The following KIF13A variants were observed in gnomAD, a reference collection of about 807,000 sequenced individuals.
KIF13A encodes the protein kinesin family member 13A, also known as kinesin-like protein KIF13A.
Under a neutral mutation model 212.2 loss-of-function variants are expected in KIF13A, and 79 were observed. The observed-to-expected ratio is 0.37, with a 90% confidence interval of 0.31 to 0.45. The LOEUF (loss-of-function observed/expected upper bound fraction) is 0.45, where lower values mean the gene tolerates loss of function less well. KIF13A is among the 20% of genes least tolerant of loss of function. The pLI is 1.00. For synonymous variants in KIF13A, 789 were observed against 808.6 expected, an observed-to-expected ratio of 0.98 and a Z score of 0.41; for missense variants, 1,901 against 2,209.0, an observed-to-expected ratio of 0.86 and a Z score of 2.79.
Position 17,967,581 on chromosome 6 carries a change from G to A in KIF13A, c.146+19473C>T. Among the ~76,000 whole-genome samples, 1 of 152,200 alleles carries A rather than the reference G, an allele frequency of 6.6e-6. No homozygotes were observed. Among genetic ancestry groups the A allele is most frequent in the East Asian group, 1.9e-4 (1 of 5,198 alleles). On this transcript the variant is annotated intron_variant, in intron 2 of 38. Coordinates refer to ENST00000259711, the MANE Select transcript of KIF13A (RefSeq NM_022113.6). This position sits in a 1 kb window ranked among gnomAD's most constrained non-coding sequence, Gnocchi z 4.1. ...GACTGCACGTGTCAGGAGCAGAGAT[G>A]CCTGGTTATCCATTTCCATAGTCAT...
rs1771571431 is a variant in KIF13A, at chr6:17,886,707, A to C, written c.159+11461T>G. Among the ~76,000 whole-genome samples the C allele has an allele frequency of 6.6e-6, 1 of 152,056 alleles. No homozygotes were observed. The highest frequency in any genetic ancestry group is 2.4e-5 in the African/African-American group (1 of 41,396). ...TGTAGGAATTTCAAGATAGAAACAC[A>C]CAGCACTTCACTTGAACCCGGGAGG... On this transcript the variant is annotated intron_variant, in intron 3 of 38. Coordinates refer to ENST00000259711, the MANE Select transcript of KIF13A (RefSeq NM_022113.6). The surrounding 1 kb of genome is among the most constrained non-coding windows in gnomAD (Gnocchi z 5.6).
chr6:17,957,953 AG>A (rs1778488910), intron 2 of KIF13A, among the ~76,000 whole-genome samples: 1 of 152,244 alleles, frequency 6.6e-6, no homozygotes, highest in Non-Finnish European at 1.5e-5. Flanking sequence ...ACACTTTAAA[AG>A]AACAGCCTGA....
At position 17,816,993 on chromosome 6, in the gene KIF13A, C is replaced by T; in HGVS notation, c.2000+27G>A. ...GACCCACGGCCTTGGGGCCTTGACT[C>T]TGGGCTGCCCCCGCTGCAGTTCTTA... is the stretch of plus-strand genomic sequence containing the variant. On this transcript the variant is annotated intron_variant, in intron 17 of 38. Coordinates refer to ENST00000259711, the MANE Select transcript of KIF13A (RefSeq NM_022113.6). This position sits in a 1 kb window ranked among gnomAD's most constrained non-coding sequence, Gnocchi z 4.3. The T allele has an allele frequency of 6.3e-7, 1 of 1,582,556 alleles. No individual in the cohort carries two copies. The highest frequency in any genetic ancestry group is 8.6e-7 in the Non-Finnish European group (1 of 1,164,562).
rs1456720344 is a variant in KIF13A, at chr6:17,834,254, C to T, written c.1156-183G>A. 6.6e-6 allele frequency among the ~76,000 whole-genome samples: 1 copy of T among 152,086 alleles called. No homozygotes were observed. The highest frequency in any genetic ancestry group is 2.4e-5 in the African/African-American group (1 of 41,404). ...CGAATGTAAGAGAACATGGCTGTTC[C>T]CTGAAAAAGAAATACCAGTGTCCTG... On this transcript the variant is annotated intron_variant, in intron 11 of 38. Transcript: ENST00000259711. This position sits in a 1 kb window ranked among gnomAD's most constrained non-coding sequence, Gnocchi z 4.0.
chr6:17,802,923 G>GTTTTTTTTTTT (rs57190220), intron 20 of KIF13A, among the ~76,000 whole-genome samples: 2 of 135,652 alleles, frequency 1.5e-5, no homozygotes, highest in African/African-American at 5.2e-5. Context: ...ATTTTTTTGT[G>GTTTTTTTTTTT]TTTTTTTTGT....
At chr6:17,985,635 G>GGT (rs1781486927) in intron 2 of KIF13A, among the ~76,000 whole-genome samples, 1 of 109,654 alleles carries the variant, frequency 9.1e-6, no homozygotes, top group African/African-American at 3.8e-5. Context: ...CAGTTTGCGG[G>GGT]GGGGTGGGGG....
chr6:17,890,790 C>CTAATAATAATAAAAATAATAATAA (rs1771978840), intron 3 of KIF13A, among the ~76,000 whole-genome samples: 1 of 139,138 alleles, frequency 7.2e-6, no homozygotes, highest in Non-Finnish European at 1.5e-5. Flanking sequence ...CTATGCCCAG[C>CTAATAATAATAAAAATAATAATAA]TAATAATAAT....
rs748727163 is a variant in KIF13A at position 17,826,152 on chromosome 6, G to A, written c.1533-28C>T. 5.1e-6 allele frequency: 8 copies of A among 1,576,278 alleles called. No homozygotes were observed. The highest frequency in any genetic ancestry group is 2.2e-5 in the East Asian group (1 of 44,714). ...GGGAGAACACGAGGGAAAATACCAG[G>A]TAAATGGGAAGGAGCACAAGACCTT... On this transcript the variant is annotated intron_variant, in intron 14 of 38. Coordinates refer to ENST00000259711, the MANE Select transcript of KIF13A (RefSeq NM_022113.6). This position sits in a 1 kb window ranked among gnomAD's most constrained non-coding sequence, Gnocchi z 4.7.
intron 9 of KIF13A, among the ~76,000 whole-genome samples, chr6:17,841,175 C>A (rs1212039443): frequency 6.6e-6 from 1 of 151,378 alleles, no homozygotes; most frequent in Non-Finnish European, 1.5e-5. Context: ...CAGGCTCAAG[C>A]GATCCTCTTA....
chr6:17,842,054 A>AT (rs1219126569), intron 9 of KIF13A, among the ~76,000 whole-genome samples: 3 of 145,238 alleles, frequency 2.1e-5, no homozygotes, highest in Non-Finnish European at 3.0e-5. Flanking sequence ...TACATATATT[A>AT]TTTTTTTTCT....
intron 2 of KIF13A, among the ~76,000 whole-genome samples, chr6:17,966,187 C>G (rs12663523): frequency 6.6e-6 from 1 of 152,146 alleles, no homozygotes; most frequent in African/African-American, 2.4e-5. Context: ...GAGTGAGATT[C>G]TGTCTCAAAA....
intron 16 of KIF13A, among the ~76,000 whole-genome samples, chr6:17,823,913 A>AT (rs1297321390): frequency 9.1e-6 from 1 of 109,878 alleles, no homozygotes; most frequent in Non-Finnish European, 2.0e-5. Flanking sequence ...TTTAATTTAA[A>AT]TTTCTTTTTT....
chr6:17,873,269 G>T (rs1414103267), intron 4 of KIF13A, 108 bp downstream of exon 4: 28 of 716,558 alleles, frequency 3.9e-5, no homozygotes, highest in Admixed American at 5.9e-5. Flanking sequence ...GAAAGAACAG[G>T]TGTGAATTAC....
Position 17,836,947 on chromosome 6 carries a change from G to T in KIF13A, c.1086C>A (p.Pro362=). 6.2e-7 allele frequency: 1 copy of T among 1,613,854 alleles called. No homozygotes were observed. The highest frequency in any genetic ancestry group is 2.2e-5 in the East Asian group (1 of 44,866). ...GCAGTTCTCGGATCACTTTTGCGTT[G>T]GGGTCCTCATTCACAACAGCATGGT... The part of the protein sequence containing the change: ...IVNHAVVNED[P]NAKVIRELRE... Residue 362 remains proline, a synonymous_variant, in exon 11 of 39, where the codon CCC becomes CCA. Coordinates refer to ENST00000259711, the MANE Select transcript of KIF13A (RefSeq NM_022113.6).
At chr6:17,959,239 C>T (rs1047290840) in intron 2 of KIF13A, among the ~76,000 whole-genome samples, 1 of 152,168 alleles carries the variant, frequency 6.6e-6, no homozygotes, top group African/African-American at 2.4e-5. Context: ...AAACTGACAT[C>T]ATGCCTGAAG....
chr6:17,927,213 T>C (rs1448473341), intron 2 of KIF13A, among the ~76,000 whole-genome samples: 1 of 150,580 alleles, frequency 6.6e-6, no homozygotes, highest in Non-Finnish European at 1.5e-5. Flanking sequence ...GATATTTGCA[T>C]ACCAGTATTC....
chr6:17,806,987 C>G (rs571277255), intron 18 of KIF13A, among the ~76,000 whole-genome samples: 1 of 152,274 alleles, frequency 6.6e-6, no homozygotes, highest in African/African-American at 2.4e-5. Context: ...TATCAGTTCC[C>G]AAATAATACT....
At chr6:17,975,154 G>A (rs961410228) in intron 2 of KIF13A, among the ~76,000 whole-genome samples, 3 of 152,072 alleles carry the variant, frequency 2.0e-5, no homozygotes, top group Non-Finnish European at 4.4e-5. Flanking sequence ...GGCCAGCCTG[G>A]CCAACATAGT....
rs1193514095 is a variant in KIF13A at position 17,951,760 on chromosome 6, C to T, written c.146+35294G>A. On this transcript the variant is annotated intron_variant, in intron 2 of 38. Transcript: ENST00000259711. The surrounding 1 kb of genome is among the most constrained non-coding windows in gnomAD (Gnocchi z 4.9). ...CTTATTTCACTTAATGTTATGTTTA[C>T]AAAAAGTTCATCAATGTTATATATG... 6.6e-6 allele frequency among the ~76,000 whole-genome samples: 1 copy of T among 152,142 alleles called. No individual in the cohort carries two copies. The highest frequency in any genetic ancestry group is 6.6e-5 in the Admixed American group (1 of 15,266).
Sources: allele counts gnomAD v4.1 joint callset (sites outside exome capture counted in the v4.1 genomes callset), GRCh38; gene constraint gnomAD v4.1.1; non-coding constraint Gnocchi (gnomAD v3.1); transcripts MANE v1.5; gene names NCBI Gene and HGNC (gene_info 2026-07-23, HGNC 2026-07-21).